The following SIMC1 variants were observed in gnomAD, a reference collection of about 807,000 sequenced individuals.
SIMC1 encodes the protein SUMO interacting motifs containing 1.
In SIMC1, 55 loss-of-function variants were observed where a neutral mutation model predicts 82.3. The observed-to-expected ratio is 0.67, with a 90% confidence interval of 0.54 to 0.84. The LOEUF is 0.84. Ranked by LOEUF, SIMC1 falls within the 40% of genes least tolerant of loss-of-function variation. SIMC1 has a pLI of 0.00. For synonymous variants in SIMC1, 353 were observed against 426.3 expected (o/e 0.83, Z 2.12); for missense variants, 915 against 1,107.2 (o/e 0.83, Z 2.46).
intron 1 of SIMC1, among the ~76,000 whole-genome samples, chr5:176,261,622 C>T (rs757892782): frequency 2.0e-5 from 3 of 151,750 alleles, no homozygotes; most frequent in African/African-American, 4.8e-5. Flanking sequence ...GTGGCATGCA[C>T]CTGTAATCCC....
intron 1 of SIMC1, among the ~76,000 whole-genome samples, chr5:176,267,879 G>A (rs1182931456): frequency 1.5e-5 from 2 of 131,920 alleles, no homozygotes; most frequent in African/African-American, 5.7e-5. Flanking sequence ...ACTCAGCCCC[G>A]CCAAGTAGCT....
At chr5:176,260,300 G>T (rs539100418) in intron 1 of SIMC1, among the ~76,000 whole-genome samples, 3 of 152,090 alleles carry the variant, frequency 2.0e-5, no homozygotes, top group Non-Finnish European at 4.4e-5. Flanking sequence ...TGACTTTGGC[G>T]ACTCGGGGAA....
chr5:176,334,996 T>G (rs1765820973), intron 7 of SIMC1, among the ~76,000 whole-genome samples: 1 of 150,494 alleles, frequency 6.6e-6, no homozygotes, highest in South Asian at 2.1e-4. Flanking sequence ...GAGGCTGAGG[T>G]AGGAGAATTG....
chr5:176,330,064 C>T (rs1765573250), intron 7 of SIMC1, among the ~76,000 whole-genome samples: 2 of 152,184 alleles, frequency 1.3e-5, no homozygotes, highest in South Asian at 4.2e-4. Context: ...CAGTGGAGCA[C>T]ACCTCATACC....
At chr5:176,287,158 T>C (rs1322151406) in intron 1 of SIMC1, among the ~76,000 whole-genome samples, 1 of 152,236 alleles carries the variant, frequency 6.6e-6, no homozygotes, top group African/African-American at 2.4e-5. Flanking sequence ...TAAATCATGC[T>C]GCTGTAAAGA....
chr5:176,338,210 T>G (rs1765988346), intron 9 of SIMC1, among the ~76,000 whole-genome samples: 1 of 152,212 alleles, frequency 6.6e-6, no homozygotes, highest in South Asian at 2.1e-4. Flanking sequence ...CTGTACTTTT[T>G]TAAAGTGCCA....
intron 1 of SIMC1, among the ~76,000 whole-genome samples, chr5:176,255,647 A>G (rs1466532297): frequency 6.6e-6 from 1 of 150,436 alleles, no homozygotes; most frequent in Non-Finnish European, 1.5e-5. Context: ...TACATGTAAA[A>G]TAAAATTTTG....
rs754461585 is a variant in SIMC1 at position 176,290,025 on chromosome 5, A to G, written c.501A>G (p.Thr167=). ...CTAATTGTAGCTCAGCCACATTCAC[A>G]GGTAACCTCAGCTTCTTGGCAAGTC... ...TEPNCSSATF[T]GNLSFLASLQ... is the part of the protein sequence containing the mutation. Residue 167 remains threonine (T), a synonymous_variant, in exon 2 of 10, where the codon ACA becomes ACG. Transcript: ENST00000429602. The G allele has an allele frequency of 1.2e-6, 2 of 1,613,438 alleles. No homozygotes were observed. Among genetic ancestry groups the G allele is most frequent in the East Asian group, 4.5e-5 (2 of 44,866 alleles).
chr5:176,313,009 AAAAC>A (rs1764730852), intron 4 of SIMC1: 2 of 166,172 alleles, frequency 1.2e-5, no homozygotes, highest in South Asian at 3.2e-4. Flanking sequence ...AGCTAGGTCT[AAAAC>A]AAACAGCAAC....
At chr5:176,302,767 G>T (rs1003631013) in intron 4 of SIMC1, among the ~76,000 whole-genome samples, 1 of 151,694 alleles carries the variant, frequency 6.6e-6, no homozygotes, top group African/African-American at 2.4e-5. Flanking sequence ...AACCAACAAT[G>T]AAAAATCTGA....
rs1229331786 is a variant in SIMC1, at chr5:176,345,321, T to C, written c.2552T>C (p.Met851Thr). 1 of 1,614,012 alleles carries C rather than the reference T, an allele frequency of 6.2e-7. No homozygotes were observed. The highest frequency in any genetic ancestry group is 1.7e-5 in the Admixed American group (1 of 60,020). ...IEAFRSRLIQ[M>T]LGEPLVPQLQ... ...GCCTTCCGCAGCCGCCTGATCCAGA[T>C]GCTGGGGGAGCCTCTTGTCCCCCAA... is the stretch of plus-strand genomic sequence containing the variant. The change falls in exon 10 of 10, where the codon ATG becomes ACG. Residue 851 changes from methionine to threonine, a missense_variant. Met to Thr is a moderately conservative substitution (Grantham distance 81). This residue lies in a region of SIMC1 where 902 missense variants were observed against 1,040.3 expected (regional missense o/e 0.87). Coordinates refer to ENST00000429602, the MANE Select transcript of SIMC1 (RefSeq NM_001308195.2).
intron 1 of SIMC1, among the ~76,000 whole-genome samples, chr5:176,259,992 CTA>C (rs1209795507): frequency 6.7e-6 from 1 of 148,672 alleles, no homozygotes; most frequent in East Asian, 1.9e-4. Context: ...AAAATAAAAA[CTA>C]AAATTTATAT....
intron 1 of SIMC1, among the ~76,000 whole-genome samples, chr5:176,282,582 C>T (rs1391170138): frequency 2.0e-5 from 3 of 150,414 alleles, no homozygotes; most frequent in Non-Finnish European, 4.5e-5. Context: ...TGGCTCCTCC[C>T]CCCGAAAAGC....
chr5:176,295,473 C>T (rs907097988), intron 3 of SIMC1, among the ~76,000 whole-genome samples: 6 of 152,174 alleles, frequency 3.9e-5, no homozygotes, highest in African/African-American at 1.2e-4. Flanking sequence ...TACTAGAAAC[C>T]GAGGAGTGAG....
In SIMC1 at chr5:176,269,567, G is replaced by C. The variant is rs1355447219; in HGVS notation, c.130-20087G>C. On this transcript the variant is annotated intron_variant, in intron 1 of 9. Transcript: ENST00000429602. ...GCAAAGCAAATTTCAGGTGCAAAGA[G>C]GTTCACTGGTGAATTTCACCAAACA... Among the ~76,000 whole-genome samples the C allele has an allele frequency of 1.1e-4, 16 of 152,282 alleles. No homozygotes were observed. In the East Asian group the frequency reaches 3.1e-3, roughly 29 times the overall value.
At chr5:176,335,118 A>ATAG (rs1765831036) in intron 7 of SIMC1, among the ~76,000 whole-genome samples, 1 of 151,772 alleles carries the variant, frequency 6.6e-6, no homozygotes, top group Non-Finnish European at 1.5e-5. Flanking sequence ...AATAATAATA[A>ATAG]TAATCATCAC....
At chr5:176,333,776 T>C (rs1013607721) in intron 7 of SIMC1, among the ~76,000 whole-genome samples, 5 of 152,112 alleles carry the variant, frequency 3.3e-5, no homozygotes, top group African/African-American at 1.2e-4. Context: ...ACCTCTCTTA[T>C]CTTCTGGGAA....
At chr5:176,312,422 G>C (rs969194452) in intron 4 of SIMC1, among the ~76,000 whole-genome samples, 16 of 151,196 alleles carry the variant, frequency 1.1e-4, no homozygotes, top group African/African-American at 3.4e-4. Flanking sequence ...TATAATCCCA[G>C]CTACTTGGGA....
intron 1 of SIMC1, among the ~76,000 whole-genome samples, chr5:176,281,502 C>G (rs543928691): frequency 1.3e-5 from 2 of 152,328 alleles, no homozygotes; most frequent in East Asian, 3.9e-4. Context: ...AGGAGAGGTG[C>G]TCTGCTTTTT....
Sources: allele counts gnomAD v4.1 joint callset (sites outside exome capture counted in the v4.1 genomes callset), GRCh38; gene constraint gnomAD v4.1.1; regional missense constraint gnomAD v4.1.1; transcripts MANE v1.5; gene names NCBI Gene and HGNC (gene_info 2026-07-23, HGNC 2026-07-21).